Variants in MIER2 observed in about 807,000 individuals in gnomAD.
MIER2 encodes the protein mesoderm induction early response protein 2.
A neutral mutation model predicts 67.6 loss-of-function variants in MIER2; 30 were observed. The observed-to-expected ratio is 0.44, with a 90% confidence interval of 0.33 to 0.60. MIER2 has a LOEUF of 0.60. MIER2 is among the 20% of genes least tolerant of loss of function. The probability of loss-of-function intolerance (pLI) is 0.02; values close to 1 mark genes in which losing one functional copy is unlikely to be tolerated. For synonymous variants in MIER2, 372 were observed against 312.6 expected, an observed-to-expected ratio of 1.19 and a Z score of -2.00; for missense variants, 702 against 745.1, an observed-to-expected ratio of 0.94 and a Z score of 0.67.
At chr19:315,477 G>A (rs1403138923) in intron 7 of MIER2, among the ~76,000 whole-genome samples, 1 of 152,240 alleles carries the variant, frequency 6.6e-6, no homozygotes, top group Non-Finnish European at 1.5e-5. Context: ...ATACGTTAAG[G>A]AAATGGACAA....
Position 333,056 on chromosome 19 carries a change from G to A in MIER2, c.243+1344C>T, listed in dbSNP as rs1212566583. On this transcript the variant is annotated intron_variant, in intron 3 of 13. Transcript: ENST00000264819. ...CACCCAGGCTGGAGTGCAGTGGCAC[G>A]ATCTCAGCTCACTGCAAGCTCCGTC... Among the ~76,000 whole-genome samples, 22 of 68,842 alleles carry A rather than the reference G, an allele frequency of 3.2e-4. 4 individuals are homozygous for A. Among genetic ancestry groups the A allele is most frequent in the Admixed American group, 2.8e-3 (16 of 5,806 alleles). The allele number at this position is 68,842 out of a possible 152,430, so 45.2% of individuals were successfully genotyped here.
intron 4 of MIER2, 110 bp downstream of exon 4, chr19:327,754 T>C: frequency 6.7e-7 from 1 of 1,503,038 alleles, no homozygotes; most frequent in African/African-American, 1.4e-5. Context: ...TTCTACTTAT[T>C]CTGGGGGCCT....
chr19:339,426 CTG>C (rs1468202779), intron 1 of MIER2, among the ~76,000 whole-genome samples: 1 of 152,170 alleles, frequency 6.6e-6, no homozygotes, highest in Non-Finnish European at 1.5e-5. Context: ...AGAATAAAAA[CTG>C]TGCTCAAAAA....
chr19:324,969 C>T lies in MIER2; in HGVS notation c.655+666G>A, dbSNP rs369426822. ...GCCCCAGGAGGACGACTTCTCTTCA[C>T]GGAGGGTCCCTGTCTCCCTGGACTC... On this transcript the variant is annotated intron_variant, in intron 7 of 13. Transcript: ENST00000264819. 4.6e-5 allele frequency among the ~76,000 whole-genome samples: 7 copies of T among 152,346 alleles called. No individual in the cohort carries two copies. In the East Asian group the frequency reaches 1.2e-3, roughly 25 times the overall value.
At position 344,757 on chromosome 19, in the gene MIER2, C is replaced by CCGGCCCGCTCACT; in HGVS notation, c.9+4_9+16dup. 1 of 1,180,132 alleles carries CCGGCCCGCTCACT rather than the reference C, an allele frequency of 8.5e-7. No homozygotes were observed. Among genetic ancestry groups the CCGGCCCGCTCACT allele is most frequent in the Non-Finnish European group, 1.0e-6 (1 of 954,562 alleles). 73.1% of individuals were successfully genotyped at this position (1,180,132 alleles called of 1,614,324 possible). ...GCGCGGGGGCGGGGGGCCGGCTCCC[C>CCGGCCCGCTCACT]CGGCCCGCTCACTCACCTCCGCCAT... On this transcript the variant is annotated intron_variant, in intron 1 of 13. Coordinates refer to ENST00000264819, the MANE Select transcript of MIER2 (RefSeq NM_017550.3).
At chr19:327,818 C>T (rs1600154699) in intron 4 of MIER2, 46 bp downstream of exon 4, 2 of 1,606,252 alleles carry the variant, frequency 1.2e-6, no homozygotes, top group South Asian at 2.2e-5. Context: ...CGCCAGGCCC[C>T]CCCACCTTCA....
intron 7 of MIER2, among the ~76,000 whole-genome samples, chr19:314,003 G>A (rs986334756): frequency 3.3e-5 from 5 of 152,212 alleles, no homozygotes; most frequent in African/African-American, 1.2e-4. Flanking sequence ...ACTCTGCAGA[G>A]GGGGTTCTAA....
chr19:334,607 C>A, intron 2 of MIER2, 65 bp from the exon 3 acceptor site: 1 of 1,569,880 alleles, frequency 6.4e-7, no homozygotes, highest in Non-Finnish European at 8.6e-7. Context: ...CCTGCCGAGA[C>A]TACTGACGCC....
At chr19:344,303 G>A in intron 1 of MIER2, 1 of 984,892 alleles carries the variant, frequency 1.0e-6, no homozygotes, top group Non-Finnish European at 1.2e-6. Context: ...GGCGCGGTGG[G>A]TCCACCGGGA....
At chr19:344,283 G>A in intron 1 of MIER2, 2 of 985,074 alleles carry the variant, frequency 2.0e-6, no homozygotes, top group Non-Finnish European at 2.4e-6. Context: ...GGGGGCTCGC[G>A]GGCGGCGGAG....
chr19:344,485 G>A (rs1972649839), intron 1 of MIER2: 1 of 578,194 alleles, frequency 1.7e-6, no homozygotes, highest in Non-Finnish European at 2.2e-6. Context: ...CCCGCCCCGC[G>A]TCCCTCCCCT....
intron 7 of MIER2, among the ~76,000 whole-genome samples, chr19:320,967 G>A (rs928846195): frequency 7.2e-5 from 11 of 152,124 alleles, no homozygotes; most frequent in East Asian, 3.9e-4. Flanking sequence ...CTACATTTAG[G>A]GGCCACTTTA....
At chr19:326,091 C>T (rs1360166881) in intron 6 of MIER2, among the ~76,000 whole-genome samples, 1 of 152,192 alleles carries the variant, frequency 6.6e-6, no homozygotes, top group Non-Finnish European at 1.5e-5. Flanking sequence ...CAGCAGGACC[C>T]GGCTGCGGTT....
intron 10 of MIER2, among the ~76,000 whole-genome samples, chr19:310,357 C>T (rs1342796360): frequency 6.6e-6 from 1 of 152,244 alleles, no homozygotes; most frequent in East Asian, 1.9e-4. Flanking sequence ...CAGGGCAAAC[C>T]TCAAACGCAC....
intron 1 of MIER2, chr19:344,502 C>A (rs895485266): frequency 4.4e-6 from 2 of 450,284 alleles, no homozygotes; most frequent in Non-Finnish European, 5.8e-6. Flanking sequence ...CCCTCCCCCA[C>A]CCCGGCCCCC....
chr19:337,247 C>T (rs7246029), intron 1 of MIER2, among the ~76,000 whole-genome samples: 29,592 of 152,044 alleles, frequency 0.19, 4,463 homozygotes, highest in African/African-American at 0.41. Context: ...TAAGATTTAC[C>T]GCAGGGATGC....
intron 7 of MIER2, among the ~76,000 whole-genome samples, chr19:315,494 G>A (rs560954723): frequency 8.5e-5 from 13 of 152,318 alleles, no homozygotes; most frequent in African/African-American, 2.2e-4. Context: ...ACAAAACGCC[G>A]GAGAGTCTCA....
intron 3 of MIER2, 41 bp downstream of exon 3, chr19:334,359 G>T: frequency 6.2e-7 from 1 of 1,612,186 alleles, no homozygotes. Flanking sequence ...ACCCCGGAGG[G>T]CTCCACCCAA....
Position 308,706 on chromosome 19 carries a change from G to T in MIER2, c.1110-41C>A, listed in dbSNP as rs1251672645. ...GCCATGAGGGGCGGCAGACAGGACA[G>T]ACGCCCCCACCCAAGAGGTGCCGCC... On this transcript the variant is annotated intron_variant, in intron 11 of 13. Transcript: ENST00000264819. This position sits in a 1 kb window ranked among gnomAD's most constrained non-coding sequence, Gnocchi z 9.1. 3 of 1,596,074 alleles carry T rather than the reference G, an allele frequency of 1.9e-6. No individual in the cohort carries two copies. The highest frequency in any genetic ancestry group is 1.7e-5 in the Admixed American group (1 of 58,410).
Sources: allele counts gnomAD v4.1 joint callset (sites outside exome capture counted in the v4.1 genomes callset), GRCh38; gene constraint gnomAD v4.1.1; non-coding constraint Gnocchi (gnomAD v3.1); transcripts MANE v1.5; gene names NCBI Gene and HGNC (gene_info 2026-07-23, HGNC 2026-07-21).